The following GRIN3A variants were observed in gnomAD, a reference collection of about 807,000 sequenced individuals.
GRIN3A encodes glutamate receptor ionotropic, NMDA 3A.
In GRIN3A, 47 loss-of-function variants were observed where a neutral mutation model predicts 92.4. The observed-to-expected ratio is 0.51, with a 90% CI of 0.40 to 0.65. GRIN3A has a LOEUF of 0.65. GRIN3A is among the 30% of genes least tolerant of loss of function. GRIN3A has a pLI of 0.00. For missense variants in GRIN3A, 1,324 were observed against 1,393.1 expected, an observed-to-expected ratio of 0.95 and a Z score of 0.79; for synonymous variants, 527 against 540.6, an observed-to-expected ratio of 0.97 and a Z score of 0.35.
At chr9:101,727,028 A>G (rs1234269734) in intron 1 of GRIN3A, among the ~76,000 whole-genome samples, 1 of 152,130 alleles carries the variant, frequency 6.6e-6, no homozygotes, top group Non-Finnish European at 1.5e-5. Context: ...GAAAACAATG[A>G]CGGTGTCACA....
intron 5 of GRIN3A, among the ~76,000 whole-genome samples, chr9:101,622,995 A>AACACACACACACACACAC (rs5899450): frequency 1.2e-3 from 172 of 147,534 alleles, no homozygotes; most frequent in African/African-American, 3.3e-3. Flanking sequence ...CCTGCCACTA[A>AACACACACACACACACAC]ACACACACAC....
rs540904300 is a variant in GRIN3A, at chr9:101,616,443, A to G, written c.2615-2916T>C. ...ACTTCTAGGCATAAAACAGGCACTC[A>G]AAATAGCTCTTTGAATGGAAAATTC... On this transcript the variant is annotated intron_variant, in intron 5 of 8. Coordinates refer to ENST00000361820, the MANE Select transcript of GRIN3A (RefSeq NM_133445.3). Among the ~76,000 whole-genome samples, 8 of 152,298 alleles carry G rather than the reference A, an allele frequency of 5.3e-5. No individual in the cohort carries two copies. The South Asian group carries it at 8.3e-4, about 16-fold the overall frequency.
intron 1 of GRIN3A, among the ~76,000 whole-genome samples, chr9:101,730,946 AT>A (rs1054190035): frequency 6.6e-6 from 1 of 152,110 alleles, no homozygotes; most frequent in African/African-American, 2.4e-5. Flanking sequence ...CCCTGTTAAG[AT>A]TTTTATAAAC....
At chr9:101,665,798 CT>C (rs1350126670) in intron 3 of GRIN3A, among the ~76,000 whole-genome samples, 1 of 151,850 alleles carries the variant, frequency 6.6e-6, no homozygotes, top group African/African-American at 2.4e-5. Context: ...TTGAAAAATA[CT>C]CAAAAAATTA....
chr9:101,601,809 A>C (rs1828214791), intron 6 of GRIN3A, among the ~76,000 whole-genome samples: 1 of 152,298 alleles, frequency 6.6e-6, no homozygotes, highest in African/African-American at 2.4e-5. Flanking sequence ...TGCCAGTCAT[A>C]CTGGATTCGG....
intron 3 of GRIN3A, among the ~76,000 whole-genome samples, chr9:101,652,793 A>C (rs1013290908): frequency 2.0e-5 from 3 of 152,000 alleles, no homozygotes; most frequent in Middle Eastern, 3.2e-3. Context: ...TTATGTATTC[A>C]AACTTTCCTC....
chr9:101,647,238 C>T lies in GRIN3A; in HGVS notation c.2353-18837G>A, dbSNP rs187069523. Among the ~76,000 whole-genome samples the T allele has an allele frequency of 5.3e-5, 8 of 151,908 alleles. No individual in the cohort carries two copies. In the East Asian group the frequency reaches 1.6e-3, roughly 29 times the overall value. ...AATTTTATGAATGCTTTTTCAGTAT[C>T]TCTTGAAATGATCATATGTTTTTTG... is the stretch of plus-strand genomic sequence containing the variant. On this transcript the variant is annotated intron_variant, in intron 3 of 8. Transcript: ENST00000361820.
intron 4 of GRIN3A, 40 bp downstream of exon 4, chr9:101,628,216 A>T (rs1266643624): frequency 1.2e-6 from 2 of 1,608,388 alleles, no homozygotes; most frequent in Admixed American, 3.3e-5. Flanking sequence ...ACTTCTCTTC[A>T]GTGAGAATTT....
intron 3 of GRIN3A, among the ~76,000 whole-genome samples, chr9:101,642,678 C>T (rs552719256): frequency 6.6e-6 from 1 of 152,258 alleles, no homozygotes; most frequent in Admixed American, 6.5e-5. Context: ...GAAGCTTCAT[C>T]TGTATTTACA....
At chr9:101,673,495 A>T (rs1829355310) in intron 2 of GRIN3A, among the ~76,000 whole-genome samples, 1 of 152,112 alleles carries the variant, frequency 6.6e-6, no homozygotes, top group Non-Finnish European at 1.5e-5. Context: ...ATGACAGATT[A>T]TTTGTGTCTG....
In GRIN3A at chr9:101,623,421, C is replaced by T; in HGVS notation, c.2511G>A (p.Glu837=). 2.5e-6 allele frequency: 4 copies of T among 1,604,282 alleles called. No individual in the cohort carries two copies. The highest frequency in any genetic ancestry group is 3.4e-6 in the Non-Finnish European group (4 of 1,171,026). ...DGVEYLKNDP[E]KLDAFIMDKA... is the part of the protein sequence containing the mutation. ...TGTCCATGATGAAGGCGTCTAGTTT[C>T]TCTGGATCATTCCTATATTTAAGAC... Residue 837 remains glutamate (E), a synonymous_variant, in exon 5 of 9, where the codon GAG becomes GAA. Coordinates refer to ENST00000361820, the MANE Select transcript of GRIN3A (RefSeq NM_133445.3).
chr9:101,574,110 C>T (rs1308980260), intron 8 of GRIN3A, among the ~76,000 whole-genome samples: 1 of 151,796 alleles, frequency 6.6e-6, no homozygotes, highest in African/African-American at 2.4e-5. Flanking sequence ...AGGTCAGGTC[C>T]GATGCTTAAA....
intron 3 of GRIN3A, among the ~76,000 whole-genome samples, chr9:101,652,875 T>C (rs1299826037): frequency 6.6e-6 from 1 of 151,956 alleles, no homozygotes; most frequent in African/African-American, 2.4e-5. Context: ...AGAATGAACA[T>C]TGCAGTTAAT....
chr9:101,730,677 G>C (rs554946927), intron 1 of GRIN3A, among the ~76,000 whole-genome samples: 1 of 151,782 alleles, frequency 6.6e-6, no homozygotes, highest in African/African-American at 2.4e-5. Context: ...TATTTTTCTG[G>C]CTCTCCTCAC....
chr9:101,636,889 A>T (rs928436647), intron 3 of GRIN3A, among the ~76,000 whole-genome samples: 1 of 152,184 alleles, frequency 6.6e-6, no homozygotes, highest in African/African-American at 2.4e-5. Context: ...TCACACTCGG[A>T]TGGCTTCTGT....
intron 6 of GRIN3A, among the ~76,000 whole-genome samples, chr9:101,612,848 G>A (rs1170236418): frequency 6.6e-6 from 1 of 152,238 alleles, no homozygotes; most frequent in Non-Finnish European, 1.5e-5. Context: ...AACTATAAAA[G>A]AAGGGAATTG....
chr9:101,693,862 G>A (rs979497499), intron 1 of GRIN3A, among the ~76,000 whole-genome samples: 2 of 152,160 alleles, frequency 1.3e-5, no homozygotes, highest in Admixed American at 6.6e-5. Flanking sequence ...AGCAAGTTTG[G>A]AAAAGCTCAC....
intron 3 of GRIN3A, among the ~76,000 whole-genome samples, chr9:101,642,753 G>A (rs1828882858): frequency 1.3e-5 from 2 of 152,094 alleles, no homozygotes; most frequent in African/African-American, 4.8e-5. Flanking sequence ...AGCAGCATTA[G>A]ATTCTTAGGA....
intron 1 of GRIN3A, among the ~76,000 whole-genome samples, chr9:101,732,532 A>C (rs1465252260): frequency 6.6e-6 from 1 of 152,136 alleles, no homozygotes; most frequent in Admixed American, 6.5e-5. Flanking sequence ...CAAGTGTGCA[A>C]CCTACTTAGG....
Sources: allele counts gnomAD v4.1 joint callset (sites outside exome capture counted in the v4.1 genomes callset), GRCh38; gene constraint gnomAD v4.1.1; transcripts MANE v1.5; gene names NCBI Gene and HGNC (gene_info 2026-07-23, HGNC 2026-07-21).